SECISBP2L: variants seen among roughly 807,000 people sequenced by gnomAD.
The protein encoded by SECISBP2L is selenocysteine insertion sequence-binding protein 2-like.
Under a neutral mutation model 114.7 loss-of-function variants are expected in SECISBP2L, and 43 were observed. The observed-to-expected ratio is 0.38, with a 90% CI of 0.29 to 0.48. SECISBP2L has a LOEUF of 0.48. Among genes scored for constraint, SECISBP2L ranks in the 20% least tolerant of loss-of-function variants. SECISBP2L has a pLI of 0.98. For synonymous variants in SECISBP2L, 451 were observed against 439.7 expected, an observed-to-expected ratio of 1.03 and a Z score of -0.32; for missense variants, 1,136 against 1,301.1, an observed-to-expected ratio of 0.87 and a Z score of 1.95.
chr15:49,045,702 CTAAT>C (rs1177205541), intron 1 of SECISBP2L, among the ~76,000 whole-genome samples: 2 of 152,134 alleles, frequency 1.3e-5, no homozygotes, highest in Non-Finnish European at 2.9e-5. Flanking sequence ...AAAAAACCCA[CTAAT>C]TACAATTCTT....
At chr15:49,031,932 A>G (rs565337192) in intron 4 of SECISBP2L, among the ~76,000 whole-genome samples, 1 of 152,204 alleles carries the variant, frequency 6.6e-6, no homozygotes, top group Non-Finnish European at 1.5e-5. Context: ...ATATTACATT[A>G]TGATTCTTTT....
At chr15:49,001,588 A>G (rs1902211248) in intron 14 of SECISBP2L, 1 of 152,988 alleles carries the variant, frequency 6.5e-6, no homozygotes, top group South Asian at 2.0e-4. Context: ...TACATTAGGT[A>G]TTTCTCCTAA....
intron 7 of SECISBP2L, among the ~76,000 whole-genome samples, chr15:49,022,374 TG>T (rs1307544391): frequency 1.3e-5 from 2 of 152,120 alleles, no homozygotes; most frequent in Non-Finnish European, 2.9e-5. Flanking sequence ...CTGAAGCGGA[TG>T]GATCGCTTGA....
At chr15:49,001,389 A>C (rs1038293199) in intron 14 of SECISBP2L, among the ~76,000 whole-genome samples, 1 of 152,116 alleles carries the variant, frequency 6.6e-6, no homozygotes, top group Non-Finnish European at 1.5e-5. Flanking sequence ...ACCTAGAAAA[A>C]GGCACATACT....
At chr15:48,999,598 C>T (rs1001565487) in intron 16 of SECISBP2L, among the ~76,000 whole-genome samples, 3 of 152,152 alleles carry the variant, frequency 2.0e-5, no homozygotes, top group Admixed American at 2.0e-4. Flanking sequence ...AAAAAAACCA[C>T]TTTGGCAGAA....
In SECISBP2L at chr15:49,011,814, T is replaced by G; in HGVS notation, c.1781A>C (p.His594Pro). The G allele has an allele frequency of 6.2e-7, 1 of 1,614,152 alleles. No individual in the cohort carries two copies. The highest frequency in any genetic ancestry group is 8.5e-7 in the Non-Finnish European group (1 of 1,179,986). Reference sequence around the variant, plus strand: ...TGGTTCCTCGGATCCCAAAAGATTGTGGTCCACAGTTAAGCGCCCCTTCTT... The same window carrying G: ...TGGTTCCTCGGATCCCAAAAGATTGGGGTCCACAGTTAAGCGCCCCTTCTT... ...EEKKGRLTVD[H>P]NLLGSEEPTE... The change falls in exon 13 of 18, where the codon CAC (histidine) becomes CCC (proline). Residue 594 changes from histidine to proline, a missense_variant. By Grantham distance (77) the His-to-Pro change is moderately conservative. This residue lies in a region of SECISBP2L where 684 missense variants were observed against 848.7 expected (regional missense o/e 0.81). Coordinates refer to ENST00000559471, the MANE Select transcript of SECISBP2L (RefSeq NM_001193489.2).
At chr15:49,041,977 A>C (rs1325486942) in intron 1 of SECISBP2L, among the ~76,000 whole-genome samples, 1 of 152,198 alleles carries the variant, frequency 6.6e-6, no homozygotes, top group Admixed American at 6.5e-5. Context: ...AATAATGAGG[A>C]AGACAAATCA....
intron 11 of SECISBP2L, among the ~76,000 whole-genome samples, chr15:49,014,287 C>T (rs959482432): frequency 6.6e-6 from 1 of 152,136 alleles, no homozygotes; most frequent in Non-Finnish European, 1.5e-5. Flanking sequence ...ATCTATGTTT[C>T]TTGTTCTTCT....
chr15:49,007,191 C>A (rs1191091018), intron 14 of SECISBP2L, among the ~76,000 whole-genome samples: 2 of 152,194 alleles, frequency 1.3e-5, no homozygotes, highest in Admixed American at 1.3e-4. Context: ...GGGGTACCCA[C>A]CAAATGCCAG....
chr15:49,024,270 G>A (rs1005852225), intron 7 of SECISBP2L, among the ~76,000 whole-genome samples: 1 of 152,074 alleles, frequency 6.6e-6, no homozygotes, highest in African/African-American at 2.4e-5. Context: ...GGCCGAGGTG[G>A]GTGGATCACG....
intron 15 of SECISBP2L, among the ~76,000 whole-genome samples, 195 bp downstream of exon 15, chr15:49,000,682 G>A (rs1454095098): frequency 1.3e-5 from 2 of 152,184 alleles, no homozygotes; most frequent in African/African-American, 2.4e-5. Context: ...GTTCATACAT[G>A]AGGATTTTAT....
rs568529781 is a variant in SECISBP2L at position 49,002,966 on chromosome 15, G to GT, written c.2028-1870dup. On this transcript the variant is annotated intron_variant, in intron 14 of 17. Transcript: ENST00000559471. ...TTGGTTCCATATGAAGTTTAAAGTA[G>GT]TTTTTTCTAATTCTGTGAAGAAAGT... Among the ~76,000 whole-genome samples, 32 of 152,274 alleles carry GT rather than the reference G, an allele frequency of 2.1e-4. No individual in the cohort carries two copies. In the East Asian group the frequency reaches 5.6e-3, roughly 27 times the overall value.
chr15:48,998,989 G>A (rs1456527692), intron 16 of SECISBP2L, among the ~76,000 whole-genome samples: 3 of 152,218 alleles, frequency 2.0e-5, no homozygotes, highest in Non-Finnish European at 4.4e-5. Context: ...CACAGTTAAA[G>A]GGAAAGAAAC....
intron 7 of SECISBP2L, among the ~76,000 whole-genome samples, chr15:49,022,380 G>A (rs891792750): frequency 5.3e-5 from 8 of 152,138 alleles, no homozygotes; most frequent in East Asian, 1.9e-4. Context: ...CGGATGGATC[G>A]CTTGAGGTCA....
chr15:49,000,103 A>C, intron 15 of SECISBP2L, 116 bp from the exon 16 acceptor site: 1 of 1,001,760 alleles, frequency 1.0e-6, no homozygotes, highest in Middle Eastern at 2.1e-4. Context: ...CACTTGTAGC[A>C]CTTAACGCTG....
In SECISBP2L at chr15:49,017,562, G is replaced by A; in HGVS notation, c.1237C>T (p.Leu413Phe). Reference sequence around the variant, plus strand: ...GAGTTACTTACTACTTTAGAAGAAAGTTTTTGTTGAATATTCTCATCCTTA... The same window carrying A: ...GAGTTACTTACTACTTTAGAAGAAAATTTTTGTTGAATATTCTCATCCTTA... ...NAKDENIQQK[L>F]SSKVLDDLPE... Residue 413 changes from leucine (L) to phenylalanine (F), a missense_variant, in exon 9 of 18, where the codon CTT becomes TTT. Coordinates refer to ENST00000559471, the MANE Select transcript of SECISBP2L (RefSeq NM_001193489.2). The A allele has an allele frequency of 6.2e-7, 1 of 1,602,002 alleles. No homozygotes were observed. The highest frequency in any genetic ancestry group is 8.5e-7 in the Non-Finnish European group (1 of 1,173,292).
At chr15:49,024,082 G>C (rs775587655) in intron 7 of SECISBP2L, among the ~76,000 whole-genome samples, 2 of 151,898 alleles carry the variant, frequency 1.3e-5, no homozygotes, top group Non-Finnish European at 2.9e-5. Context: ...CTAAAGAAAT[G>C]ATCTATATTA....
At chr15:49,020,542 C>G (rs1434902013) in intron 7 of SECISBP2L, among the ~76,000 whole-genome samples, 1 of 152,264 alleles carries the variant, frequency 6.6e-6, no homozygotes, top group East Asian at 1.9e-4. Context: ...GGATCTTACT[C>G]TGTCACCCAG....
At chr15:49,016,796 A>G (rs552292403) in intron 10 of SECISBP2L, 52 bp downstream of exon 10, 1 of 1,581,550 alleles carries the variant, frequency 6.3e-7, no homozygotes. Context: ...TATCTATTCC[A>G]TCAAACCTAG....
Sources: allele counts gnomAD v4.1 joint callset (sites outside exome capture counted in the v4.1 genomes callset), GRCh38; gene constraint gnomAD v4.1.1; regional missense constraint gnomAD v4.1.1; transcripts MANE v1.5; gene names NCBI Gene and HGNC (gene_info 2026-07-23, HGNC 2026-07-21).